PER3: variants seen among roughly 807,000 people sequenced by gnomAD.
PER3 encodes the protein period circadian regulator 3, also known as period circadian protein homolog 3.
PER3 carries 107 observed loss-of-function variants against 127.2 expected under a neutral mutation model. The ratio of observed to expected loss-of-function variants is 0.84; its 90% CI spans 0.72 to 0.99. The LOEUF (loss-of-function observed/expected upper bound fraction) is 0.99. PER3 is among the 50% of genes least tolerant of loss of function. PER3 has a pLI of 0.00. For missense variants in PER3, 1,560 were observed against 1,525.8 expected (o/e 1.02, Z -0.37); for synonymous variants, 618 against 585.8 (o/e 1.05, Z -0.79).
chr1:7,796,287 G>T (rs941009610), intron 6 of PER3, among the ~76,000 whole-genome samples: 1 of 150,096 alleles, frequency 6.7e-6, no homozygotes, highest in Non-Finnish European at 1.5e-5. Context: ...AATTTTCAGT[G>T]AACAGAGGTA....
intron 6 of PER3, among the ~76,000 whole-genome samples, chr1:7,795,386 G>A (rs974857803): frequency 6.6e-6 from 1 of 152,226 alleles, no homozygotes; most frequent in African/African-American, 2.4e-5. Context: ...TAAGTTGTGT[G>A]TAGACAGTAA....
At chr1:7,787,462 T>C in intron 4 of PER3, 1 of 474,258 alleles carries the variant, frequency 2.1e-6, no homozygotes, top group Non-Finnish European at 4.2e-6. Flanking sequence ...TATGGACTGG[T>C]GTGTACATAG....
chr1:7,816,969 A>G (rs2097254450), intron 13 of PER3, among the ~76,000 whole-genome samples: 1 of 152,258 alleles, frequency 6.6e-6, no homozygotes, highest in Non-Finnish European at 1.5e-5. Flanking sequence ...GTGAAATGCT[A>G]CTTAACGGTG....
At chr1:7,830,451 C>G (rs975039209) in intron 19 of PER3, among the ~76,000 whole-genome samples, 1 of 152,190 alleles carries the variant, frequency 6.6e-6, no homozygotes, top group African/African-American at 2.4e-5. Flanking sequence ...CCTCACCAGT[C>G]CATCTCTGCC....
At chr1:7,798,407 T>C (rs2097155300) in intron 6 of PER3, 118 bp from the exon 7 acceptor site, 1 of 756,580 alleles carries the variant, frequency 1.3e-6, no homozygotes, top group African/African-American at 1.8e-5. Flanking sequence ...TGTTTAAACA[T>C]TTTAGATGTG....
In PER3 at chr1:7,793,982, G is replaced by A. The variant is rs775201073; in HGVS notation, c.618G>A (p.Pro206=). Reference sequence around the variant, plus strand: ...CAGCTGCACGGTATGAATGTGCTCCGGTGAAACCTTTTTTCTGCAGGATCC... The same window carrying A: ...CAGCTGCACGGTATGAATGTGCTCCAGTGAAACCTTTTTTCTGCAGGATCC... The part of the protein sequence containing the change: ...QRAAARYECA[P]VKPFFCRIRG... The change falls in exon 6 of 22, where the codon CCG becomes CCA. Residue 206 remains proline (P), a synonymous_variant. Transcript: ENST00000377532. 1.9e-5 allele frequency: 30 copies of A among 1,613,808 alleles called. No individual in the cohort carries two copies. The highest frequency in any genetic ancestry group is 3.3e-4 in the Middle Eastern group (2 of 6,084).
At chr1:7,794,415 C>T (rs1240911164) in intron 6 of PER3, among the ~76,000 whole-genome samples, 1 of 152,104 alleles carries the variant, frequency 6.6e-6, no homozygotes, top group Non-Finnish European at 1.5e-5. Flanking sequence ...ATAGCTTGAA[C>T]CTGGGAGGTG....
chr1:7,841,826 A>G (rs61595437), intron 21 of PER3, among the ~76,000 whole-genome samples: 7,405 of 152,230 alleles, frequency 0.049, 617 homozygotes, highest in East Asian at 0.27. Flanking sequence ...TCTGGTTGTA[A>G]ATAGACAGGT....
rs538959929 is a variant in PER3, at chr1:7,830,272, TC to T, written c.3214+112del. ...GATGTGGAAGTACAAGGTTTTTTTTTCTTTTTCCCTTTTTCCTTTTTGTCAG... is the reference window on the plus strand; with the variant it reads ...GATGTGGAAGTACAAGGTTTTTTTTTTTTTTCCCTTTTTCCTTTTTGTCAG... On this transcript the variant is annotated intron_variant, in intron 19 of 21. Transcript: ENST00000377532. 1.1e-3 allele frequency: 1,041 copies of T among 966,770 alleles called. 5 individuals are homozygous for T. In the African/African-American group the frequency reaches 0.014, roughly 13 times the overall value. 59.9% of individuals were successfully genotyped at this position (966,770 alleles called of 1,614,324 possible).
At chr1:7,797,403 G>C (rs1275871702) in intron 6 of PER3, among the ~76,000 whole-genome samples, 13 of 152,206 alleles carry the variant, frequency 8.5e-5, no homozygotes, top group Admixed American at 7.2e-4. Context: ...GGGAGGCCAA[G>C]GTGGGCTGAT....
At chr1:7,801,037 T>C (rs1301579373) in intron 7 of PER3, 76 bp from the exon 8 acceptor site, 3 of 847,510 alleles carry the variant, frequency 3.5e-6, no homozygotes, top group African/African-American at 1.7e-5. Flanking sequence ...CTCTTTTTAA[T>C]ATGTTAAGTG....
chr1:7,837,244 C>T, intron 21 of PER3, 95 bp downstream of exon 21: 2 of 994,198 alleles, frequency 2.0e-6, no homozygotes, highest in Non-Finnish European at 3.0e-6. Flanking sequence ...CCACTAAAAA[C>T]TTTAATCCTC....
chr1:7,812,481 C>T (rs562147954), intron 13 of PER3, among the ~76,000 whole-genome samples: 32 of 151,842 alleles, frequency 2.1e-4, no homozygotes, highest in African/African-American at 5.3e-4. Context: ...AAAAATTAGC[C>T]GGGCGTGGTG....
chr1:7,835,910 T>C lies in PER3; in HGVS notation c.3363T>C (p.Pro1121=), dbSNP rs1482493387. 6.2e-7 allele frequency: 1 copy of C among 1,611,170 alleles called. No individual in the cohort carries two copies. The highest frequency in any genetic ancestry group is 8.5e-7 in the Non-Finnish European group (1 of 1,177,446). ...EPIWRMIRQT[P]ERILMTYQVP... ...TCTGGAGAATGATACGGCAGACACC[T>C]GAGCGCATTCTCATGACATACCAGG... The change falls in exon 20 of 22, where the codon CCT becomes CCC. Residue 1121 remains proline, a synonymous_variant. Coordinates refer to ENST00000377532, the MANE Select transcript of PER3 (RefSeq NM_001377275.1).
At chr1:7,797,806 T>C (rs1445122323) in intron 6 of PER3, among the ~76,000 whole-genome samples, 1 of 152,082 alleles carries the variant, frequency 6.6e-6, no homozygotes, top group East Asian at 1.9e-4. Flanking sequence ...TCTTGGGCTT[T>C]TTGACTTCTA....
rs373996771 is a variant in PER3 at position 7,784,659 on chromosome 1, AG to A, written c.-218del. 1.3e-4 allele frequency: 58 copies of A among 456,962 alleles called. No homozygotes were observed. Among genetic ancestry groups the A allele is most frequent in the African/African-American group, 9.9e-4 (48 of 48,632 alleles). The allele number at this position is 456,962 out of a possible 1,614,324, so 28.3% of individuals were successfully genotyped here. ...CCCTTGTCTCCTCCCCCTAGGCCGG[AG>A]TCCTGAAAGTCGAGCGAGCTCCGGG... On this transcript the variant is annotated 5_prime_UTR_variant, in exon 2 of 22. Transcript: ENST00000377532.
intron 19 of PER3, among the ~76,000 whole-genome samples, chr1:7,831,856 T>C (rs1313092129): frequency 1.3e-5 from 2 of 152,236 alleles, no homozygotes; most frequent in East Asian, 3.8e-4. Context: ...TTACTTGTAA[T>C]GTCTTTGTCT....
rs759601919 is a variant in PER3 at position 7,820,560 on chromosome 1, C to A, written c.1877C>A (p.Thr626Lys). 4 of 1,613,982 alleles carry A rather than the reference C, an allele frequency of 2.5e-6. No individual in the cohort carries two copies. The East Asian group carries it at 8.9e-5, about 36-fold the overall frequency. Residue 626 changes from threonine to lysine, a missense_variant, in exon 16 of 22, where the codon ACG (threonine) becomes AAG (lysine). Around this residue, in one of 3 missense-constraint regions of PER3, gnomAD observed 1,332 missense variants for 1,223.6 expected, o/e 1.09. Transcript: ENST00000377532. ...GGAGGAGCTCCACAGATCCTGTCCA[C>A]GGCGATGCTGAGCTTGGGGTCGGGC... ...TGGGAPQILS[T>K]AMLSLGSGIS...
At chr1:7,801,879 G>A (rs1480004085) in intron 8 of PER3, among the ~76,000 whole-genome samples, 1 of 151,862 alleles carries the variant, frequency 6.6e-6, no homozygotes, top group Non-Finnish European at 1.5e-5. Flanking sequence ...TCAAAAATCT[G>A]GGAACCAACA....
Sources: gnomAD v4.1 joint callset for allele counts (sites outside exome capture counted in the v4.1 genomes callset) on GRCh38, gnomAD v4.1.1 for gene constraint, gnomAD v4.1.1 regional missense constraint, MANE v1.5 for transcripts, NCBI Gene and HGNC (gene_info 2026-07-23, HGNC 2026-07-21) for gene names.